DPP6: variants seen among roughly 807,000 people sequenced by gnomAD.
The protein encoded by DPP6 is dipeptidyl peptidase like 6, also known as A-type potassium channel modulatory protein DPP6.
In DPP6, 69 loss-of-function variants were observed where a neutral mutation model predicts 122.6. That is an observed-to-expected ratio of 0.56 (90% confidence interval 0.46 to 0.69). The LOEUF is 0.69. Among genes scored for constraint, DPP6 ranks in the 30% least tolerant of loss-of-function variants. The pLI is 0.00. For synonymous variants in DPP6, 418 were observed against 433.1 expected, an observed-to-expected ratio of 0.97 and a Z score of 0.43; for missense variants, 928 against 1,116.9, an observed-to-expected ratio of 0.83 and a Z score of 2.41.
intron 1 of DPP6, among the ~76,000 whole-genome samples, chr7:154,249,345 T>C (rs925488629): frequency 5.9e-5 from 9 of 152,356 alleles, no homozygotes; most frequent in Admixed American, 5.9e-4. Context: ...TTTAATTTTA[T>C]AGCGAATGAA....
intron 3 of DPP6, among the ~76,000 whole-genome samples, chr7:154,484,547 G>A (rs947909886): frequency 6.6e-6 from 1 of 152,192 alleles, no homozygotes; most frequent in African/African-American, 2.4e-5. Flanking sequence ...GCTGCTCGCT[G>A]GGCCTGATTA....
At chr7:153,797,155 C>A in the DPP6 span, among the ~76,000 whole-genome samples, 1 of 152,298 alleles carries the variant, frequency 6.6e-6, no homozygotes, top group Non-Finnish European at 1.5e-5. Flanking sequence ...GCATCTCTGG[C>A]TGACACTTTC....
At chr7:154,231,370 C>T (rs1456207798) in intron 1 of DPP6, among the ~76,000 whole-genome samples, 1 of 152,150 alleles carries the variant, frequency 6.6e-6, no homozygotes, top group African/African-American at 2.4e-5. Flanking sequence ...CAGTTTTGGG[C>T]ATTCAGTCCA....
chr7:154,239,407 C>T (rs1307766664), intron 1 of DPP6, among the ~76,000 whole-genome samples: 3 of 152,146 alleles, frequency 2.0e-5, no homozygotes, highest in African/African-American at 7.2e-5. Flanking sequence ...AGCCCTTCCT[C>T]TTCCTCCTCC....
intron 16 of DPP6, among the ~76,000 whole-genome samples, chr7:154,851,246 G>A (rs1584891721): frequency 8.0e-6 from 1 of 124,670 alleles, no homozygotes; most frequent in African/African-American, 2.5e-5. Flanking sequence ...TACACCTGTG[G>A]TTTTTTTCCT....
chr7:153,915,806 AT>A (rs1800279694), intron 1 of DPP6, among the ~76,000 whole-genome samples: 1 of 152,188 alleles, frequency 6.6e-6, no homozygotes, highest in African/African-American at 2.4e-5. Context: ...ATGAATCAGC[AT>A]TTCAAGCTAC....
chr7:154,391,470 G>A (rs888028717), intron 1 of DPP6, among the ~76,000 whole-genome samples: 6 of 152,142 alleles, frequency 3.9e-5, no homozygotes, highest in African/African-American at 1.4e-4. Context: ...CTGAATGTGC[G>A]TCTTTCCAGA....
intron 10 of DPP6, among the ~76,000 whole-genome samples, chr7:154,781,964 T>C (rs1018395666): frequency 1.7e-4 from 26 of 152,254 alleles, no homozygotes; most frequent in Non-Finnish European, 3.7e-4. Context: ...TTGATATGCT[T>C]CTCACCAGGA....
rs370128876 is a variant in DPP6, at chr7:154,087,590, T to C, written c.243+34527T>C. 9.8e-3 allele frequency among the ~76,000 whole-genome samples: 1,494 copies of C among 152,288 alleles called. 27 individuals are homozygous for C. Among genetic ancestry groups the C allele is most frequent in the African/African-American group, 0.033 (1,386 of 41,544 alleles). ...GAGAGCCTTTTTAACAGTGAGTGATTGTTCTTCTCTGGTGTTTCTCTCTGT... is the reference window on the plus strand; with the variant it reads ...GAGAGCCTTTTTAACAGTGAGTGATCGTTCTTCTCTGGTGTTTCTCTCTGT... On this transcript the variant is annotated intron_variant, in intron 1 of 25. Transcript: ENST00000377770.
intron 7 of DPP6, among the ~76,000 whole-genome samples, chr7:154,716,576 G>A (rs922880719): frequency 2.0e-5 from 3 of 152,102 alleles, no homozygotes; most frequent in African/African-American, 7.3e-5. Flanking sequence ...GCTCCTGGAT[G>A]TGGGACAGCA....
chr7:153,852,049 G>T, the DPP6 span, among the ~76,000 whole-genome samples: 2 of 152,040 alleles, frequency 1.3e-5, no homozygotes, highest in Non-Finnish European at 2.9e-5. Flanking sequence ...TTCTTTGATT[G>T]TGTGTTATTC....
the DPP6 span, among the ~76,000 whole-genome samples, chr7:153,780,738 G>T: frequency 3.9e-3 from 587 of 152,226 alleles, 4 homozygotes; most frequent in African/African-American, 0.013. Context: ...AATGGAGAGA[G>T]GATCTGGATT....
At chr7:153,887,583 C>T (rs1798986370) in exon 1 of DPP6, 2 of 1,406,822 alleles carry the variant, frequency 1.4e-6, no homozygotes, top group Admixed American at 2.0e-5. Context: ...AACCCGTTTC[C>T]ATCCAGTCTT....
rs200633251 is a variant in DPP6, at chr7:154,262,655, CAA to C, written c.244-183543_244-183542del. Among the ~76,000 whole-genome samples the C allele has an allele frequency of 8.6e-3, 1,118 of 129,258 alleles. 18 individuals are homozygous for C. The highest frequency in any genetic ancestry group is 0.027 in the African/African-American group (991 of 36,400). 84.8% of individuals were successfully genotyped at this position (129,258 alleles called of 152,430 possible). A position where few individuals can be genotyped will look rare whatever the true frequency, so the allele number is the denominator to read the frequency against. On this transcript the variant is annotated intron_variant, in intron 1 of 25. Coordinates refer to ENST00000377770, the MANE Select transcript of DPP6 (RefSeq NM_130797.4). ...ATGTTAGAAAGTGTCAAATGAAGTT[CAA>C]AAAAAAAAAAAAAAAGACTAGAGAC...
intron 1 of DPP6, among the ~76,000 whole-genome samples, chr7:154,143,294 A>G (rs878885811): frequency 1.3e-5 from 2 of 152,220 alleles, no homozygotes; most frequent in Non-Finnish European, 2.9e-5. Flanking sequence ...TCTAACATGG[A>G]GACTGCTTGG....
chr7:154,076,905 T>C (rs1803596013), intron 1 of DPP6, among the ~76,000 whole-genome samples: 1 of 151,706 alleles, frequency 6.6e-6, no homozygotes, highest in Non-Finnish European at 1.5e-5. Context: ...AGAGAAGTTG[T>C]ATGATAAGAT....
chr7:154,579,673 C>G (rs577867431), intron 5 of DPP6, among the ~76,000 whole-genome samples: 1 of 152,282 alleles, frequency 6.6e-6, no homozygotes, highest in South Asian at 2.1e-4. Context: ...TTCTGCCCCC[C>G]ATGGGGGGGC....
chr7:154,220,580 A>G (rs749883916), intron 1 of DPP6, among the ~76,000 whole-genome samples: 9 of 152,190 alleles, frequency 5.9e-5, no homozygotes, highest in Non-Finnish European at 1.2e-4. Flanking sequence ...TAAAAGTTAA[A>G]TAAATAAAAT....
chr7:154,810,636 A>G (rs1299799527), intron 16 of DPP6, among the ~76,000 whole-genome samples: 1 of 152,198 alleles, frequency 6.6e-6, no homozygotes, highest in Non-Finnish European at 1.5e-5. Flanking sequence ...AAGAACAAGT[A>G]CAGCAACACA....
Sources: allele counts gnomAD v4.1 joint callset (sites outside exome capture counted in the v4.1 genomes callset), GRCh38; gene constraint gnomAD v4.1.1; transcripts MANE v1.5; gene names NCBI Gene and HGNC (gene_info 2026-07-23, HGNC 2026-07-21).